Variants in EEF1AKMT1 observed in about 807,000 individuals in gnomAD.
EEF1AKMT1 encodes N-6 adenine-specific DNA methyltransferase 2 (putative).
EEF1AKMT1 carries 18 observed loss-of-function variants against 21.0 expected under a neutral mutation model. The observed-to-expected ratio is 0.86, with a 90% CI of 0.59 to 1.27. The LOEUF is 1.27. EEF1AKMT1 is among the 50% of genes most tolerant of loss of function. EEF1AKMT1 has a pLI of 0.00. For synonymous variants in EEF1AKMT1, 109 were observed against 94.8 expected, an observed-to-expected ratio of 1.15 and a Z score of -0.87; for missense variants, 246 against 258.6, an observed-to-expected ratio of 0.95 and a Z score of 0.33.
intron 2 of EEF1AKMT1, among the ~76,000 whole-genome samples, chr13:20,738,662 AG>A (rs905395165): frequency 9.2e-5 from 14 of 152,256 alleles, no homozygotes; most frequent in African/African-American, 3.4e-4. Flanking sequence ...AAAAAGGAAC[AG>A]GGTACTGATA....
Position 20,731,848 on chromosome 13 carries a change from C to T in EEF1AKMT1, c.501G>A (p.Leu167=), listed in dbSNP as rs1272260102. 6.2e-7 allele frequency: 1 copy of T among 1,613,250 alleles called. No homozygotes were observed. Among genetic ancestry groups the T allele is most frequent in the Non-Finnish European group, 8.5e-7 (1 of 1,179,342 alleles). Residue 167 remains leucine (L), a synonymous_variant, in exon 4 of 5, where the codon CTG becomes CTA. Transcript: ENST00000382758. ...VKYLTRGKIL[L]CTGAIMEEQA... Reference sequence around the variant, plus strand: ...ATGAAATGCAGCACCTACCTGTGCACAGCAGAATCTTGCCCCGCGTCAGGT... The same window carrying T: ...ATGAAATGCAGCACCTACCTGTGCATAGCAGAATCTTGCCCCGCGTCAGGT...
chr13:20,772,582 C>T (rs2059067982), intron 1 of EEF1AKMT1, among the ~76,000 whole-genome samples: 1 of 152,074 alleles, frequency 6.6e-6, no homozygotes, highest in African/African-American at 2.4e-5. Context: ...AGGTGGAGGC[C>T]CTCTATAGAG....
chr13:20,733,165 G>A (rs950026377), intron 3 of EEF1AKMT1, among the ~76,000 whole-genome samples: 5 of 143,880 alleles, frequency 3.5e-5, no homozygotes, highest in Non-Finnish European at 6.0e-5. Context: ...GCATGACTTC[G>A]GCTCACTGAA....
chr13:20,747,873 G>A lies in EEF1AKMT1; in HGVS notation c.144+9582C>T, dbSNP rs78081368. 8.5e-3 allele frequency: 1,475 copies of A among 172,982 alleles called. 21 individuals are homozygous for A. The highest frequency in any genetic ancestry group is 0.034 in the African/African-American group (1,420 of 41,990). 10.7% of individuals were successfully genotyped at this position (172,982 alleles called of 1,614,324 possible). On this transcript the variant is annotated intron_variant, in intron 2 of 4. Transcript: ENST00000382758. ...TCCACCAAATTTCTTCTGGCCAGCT[G>A]TATCCCATACAATGAATGGGTCCTC...
chr13:20,749,103 A>C (rs2058927295), intron 2 of EEF1AKMT1, among the ~76,000 whole-genome samples: 1 of 152,168 alleles, frequency 6.6e-6, no homozygotes, highest in South Asian at 2.1e-4. Context: ...CAAGTGGTAT[A>C]CTATAATTGC....
chr13:20,739,507 G>A (rs998837933), intron 2 of EEF1AKMT1, among the ~76,000 whole-genome samples: 6 of 152,164 alleles, frequency 3.9e-5, no homozygotes, highest in Non-Finnish European at 7.3e-5. Context: ...TTGACAGGGT[G>A]CTGATTGGTG....
intron 2 of EEF1AKMT1, among the ~76,000 whole-genome samples, chr13:20,740,271 C>A (rs769755632): frequency 6.6e-6 from 1 of 152,222 alleles, no homozygotes; most frequent in Non-Finnish European, 1.5e-5. Context: ...TGCTGGACTG[C>A]GAGTGCCACG....
chr13:20,752,582 T>C (rs1181680141), intron 2 of EEF1AKMT1, among the ~76,000 whole-genome samples: 1 of 152,158 alleles, frequency 6.6e-6, no homozygotes, highest in Non-Finnish European at 1.5e-5. Flanking sequence ...TCTATATTCA[T>C]CTGGGATACT....
chr13:20,731,034 G>A (rs897685423), intron 4 of EEF1AKMT1, among the ~76,000 whole-genome samples: 23 of 152,312 alleles, frequency 1.5e-4, no homozygotes, highest in African/African-American at 5.3e-4. Context: ...CGGAGGTGCC[G>A]CCTTTAAGAG....
Position 20,765,405 on chromosome 13 carries a change from G to GTTTTTTTTTTTT in EEF1AKMT1, c.-19-7800_-19-7789dup. Reference sequence around the variant, plus strand: ...ATTTGCTTTCTGTTTCTTCCCTTGGGTTTTTTTTTTTTTTTTTTTTTTTTT... The same window carrying GTTTTTTTTTTTT: ...ATTTGCTTTCTGTTTCTTCCCTTGGGTTTTTTTTTTTTTTTTTTTTTTTTTTTTTTTTTTTTT... On this transcript the variant is annotated intron_variant, in intron 1 of 4. Coordinates refer to ENST00000382758, the MANE Select transcript of EEF1AKMT1 (RefSeq NM_001318939.2). Among the ~76,000 whole-genome samples, 95 of 58,700 alleles carry GTTTTTTTTTTTT rather than the reference G, an allele frequency of 1.6e-3. 16 individuals are homozygous for GTTTTTTTTTTTT. Among genetic ancestry groups the GTTTTTTTTTTTT allele is most frequent in the East Asian group, 4.7e-3 (7 of 1,488 alleles). 38.5% of individuals were successfully genotyped at this position (58,700 alleles called of 152,430 possible). A position where few individuals can be genotyped will look rare whatever the true frequency, so the allele number is the denominator to read the frequency against.
intron 2 of EEF1AKMT1, among the ~76,000 whole-genome samples, chr13:20,738,410 A>C (rs910438662): frequency 6.6e-6 from 1 of 152,210 alleles, no homozygotes; most frequent in African/African-American, 2.4e-5. Flanking sequence ...CATAGTTATA[A>C]ATTAAGCAGG....
intron 1 of EEF1AKMT1, among the ~76,000 whole-genome samples, chr13:20,764,758 CTGT>C (rs2059018500): frequency 6.6e-6 from 1 of 151,944 alleles, no homozygotes; most frequent in Admixed American, 6.6e-5. Context: ...TTATGTAATT[CTGT>C]TGTTGTTCCT....
At chr13:20,756,208 C>T (rs1050296552) in intron 2 of EEF1AKMT1, among the ~76,000 whole-genome samples, 2 of 152,026 alleles carry the variant, frequency 1.3e-5, no homozygotes, top group Non-Finnish European at 2.9e-5. Context: ...GTTGAAGATA[C>T]ACCTATTATC....
At chr13:20,765,635 A>T (rs536974850) in intron 1 of EEF1AKMT1, among the ~76,000 whole-genome samples, 4 of 151,234 alleles carry the variant, frequency 2.6e-5, no homozygotes, top group Non-Finnish European at 5.9e-5. Flanking sequence ...CTGGTCTCGA[A>T]CTCCTGACCT....
chr13:20,735,980 A>G lies in EEF1AKMT1; in HGVS notation c.227+1743T>C, dbSNP rs9671093. 5.7e-3 allele frequency among the ~76,000 whole-genome samples: 874 copies of G among 152,250 alleles called. 7 individuals are homozygous for G. Among genetic ancestry groups the G allele is most frequent in the African/African-American group, 0.019 (781 of 41,560 alleles). ...AGACAATGAATAGAAAAAGAAGAAA[A>G]TTAGAAGATCAGGTCCAATATTCAA... On this transcript the variant is annotated intron_variant, in intron 3 of 4. Transcript: ENST00000382758.
At chr13:20,752,926 C>T (rs1595023957) in intron 2 of EEF1AKMT1, among the ~76,000 whole-genome samples, 2 of 151,372 alleles carry the variant, frequency 1.3e-5, no homozygotes, top group Non-Finnish European at 3.0e-5. Context: ...ATTTTTTATT[C>T]TGCATTTTGT....
chr13:20,760,695 T>C (rs963734828), intron 1 of EEF1AKMT1, among the ~76,000 whole-genome samples: 2 of 151,946 alleles, frequency 1.3e-5, no homozygotes, highest in African/African-American at 2.4e-5. Context: ...AAATAAAATA[T>C]GTTTTAAAAT....
chr13:20,730,837 T>A (rs2314716), intron 4 of EEF1AKMT1, among the ~76,000 whole-genome samples: 1 of 151,968 alleles, frequency 6.6e-6, no homozygotes, highest in South Asian at 2.1e-4. Context: ...CAGCCAGCAG[T>A]GCAACCAGGT....
At chr13:20,769,610 G>A (rs1027860401) in intron 1 of EEF1AKMT1, among the ~76,000 whole-genome samples, 1 of 152,084 alleles carries the variant, frequency 6.6e-6, no homozygotes, top group Non-Finnish European at 1.5e-5. Flanking sequence ...TTTACAACTC[G>A]TGCTGATCCC....
Sources: allele counts gnomAD v4.1 joint callset (sites outside exome capture counted in the v4.1 genomes callset), GRCh38; gene constraint gnomAD v4.1.1; transcripts MANE v1.5; gene names NCBI Gene and HGNC (gene_info 2026-07-23, HGNC 2026-07-21).